Variants in EYS observed in about 807,000 individuals in gnomAD.
The protein encoded by EYS is protein eyes shut homolog.
In EYS, 250 loss-of-function variants were observed where a neutral mutation model predicts 282.1. The ratio of observed to expected loss-of-function variants is 0.89; its 90% CI spans 0.80 to 0.98. The LOEUF is 0.98. Among genes scored for constraint, EYS ranks in the 50% least tolerant of loss-of-function variants. The pLI, the probability that EYS is intolerant of heterozygous loss-of-function variation, is 0.00. For missense variants in EYS, 4,016 were observed against 3,709.0 expected (o/e 1.08, Z -2.15); for synonymous variants, 1,355 against 1,282.9 (o/e 1.06, Z -1.20).
At chr6:63,851,666 A>T (rs1772253954) in intron 36 of EYS, among the ~76,000 whole-genome samples, 1 of 152,236 alleles carries the variant, frequency 6.6e-6, no homozygotes, top group Non-Finnish European at 1.5e-5. Context: ...GGACACAGCC[A>T]AAGCAGTGTT....
At chr6:64,520,277 G>A (rs1041261717) in intron 26 of EYS, among the ~76,000 whole-genome samples, 2 of 151,776 alleles carry the variant, frequency 1.3e-5, no homozygotes, top group African/African-American at 2.4e-5. Context: ...ATGCTCCTAT[G>A]AGTCAGCTTT....
intron 35 of EYS, among the ~76,000 whole-genome samples, chr6:63,982,886 AAC>A (rs1767167228): frequency 6.6e-6 from 1 of 152,014 alleles, no homozygotes; most frequent in Admixed American, 6.6e-5. Flanking sequence ...TAGGTTGAAT[AAC>A]ACAAATATTT....
chr6:64,351,855 A>G (rs767820976), intron 29 of EYS, among the ~76,000 whole-genome samples: 4 of 151,552 alleles, frequency 2.6e-5, no homozygotes, highest in Non-Finnish European at 5.9e-5. Context: ...ATGTATGTAT[A>G]ATGCCATGCT....
chr6:64,548,826 A>G (rs565061562), intron 26 of EYS, among the ~76,000 whole-genome samples: 3 of 149,252 alleles, frequency 2.0e-5, no homozygotes, highest in Non-Finnish European at 4.5e-5. Context: ...CTTAAAGTAT[A>G]ATAAAAAAAA....
At chr6:63,843,077 T>A (rs1002175289) in intron 36 of EYS, among the ~76,000 whole-genome samples, 2 of 152,182 alleles carry the variant, frequency 1.3e-5, no homozygotes, top group African/African-American at 2.4e-5. Context: ...CTTAGGATTG[T>A]CTTGGCTATA....
At chr6:64,293,714 G>A (rs145755266) in intron 30 of EYS, among the ~76,000 whole-genome samples, 3 of 152,156 alleles carry the variant, frequency 2.0e-5, no homozygotes, top group East Asian at 1.9e-4. Context: ...GCATAGAGAT[G>A]TATTTTATTC....
chr6:64,062,651 A>G (rs1031069470), intron 33 of EYS, among the ~76,000 whole-genome samples: 1 of 147,900 alleles, frequency 6.8e-6, no homozygotes, highest in Non-Finnish European at 1.5e-5. Context: ...AGATCGCACC[A>G]TTGCACTCCA....
chr6:64,647,889 C>A (rs189465970), intron 22 of EYS, among the ~76,000 whole-genome samples: 10 of 151,160 alleles, frequency 6.6e-5, no homozygotes, highest in African/African-American at 2.4e-4. Flanking sequence ...TGCATGAGTG[C>A]CTTCATGAAT....
At chr6:64,810,649 A>G (rs2150014245) in intron 22 of EYS, among the ~76,000 whole-genome samples, 1 of 152,238 alleles carries the variant, frequency 6.6e-6, no homozygotes, top group Non-Finnish European at 1.5e-5. Flanking sequence ...TAAAATAATT[A>G]TAAGAGCAAG....
chr6:65,384,598 TTA>T, intron 7 of EYS, 98 bp from the exon 8 acceptor site: 2 of 668,724 alleles, frequency 3.0e-6, no homozygotes, highest in South Asian at 3.5e-5. Context: ...TTTGTTTAAA[TTA>T]TATGGTATTA....
Position 65,295,862 on chromosome 6 carries a change from C to T in EYS, c.2023+1G>A, listed in dbSNP as rs980430860. The T allele has an allele frequency of 6.5e-7, 1 of 1,528,800 alleles. No homozygotes were observed. The highest frequency in any genetic ancestry group is 8.8e-7 in the Non-Finnish European group (1 of 1,139,696). 94.7% of individuals were successfully genotyped at this position (1,528,800 alleles called of 1,614,324 possible). A position where few individuals can be genotyped will look rare whatever the true frequency, so the allele number is the denominator to read the frequency against. ...AATTTATCAGGAAAAAAAAAACTTG[C>T]CTTTAAATCCTGGGACACACTTGCG... On this transcript the variant is annotated splice_donor_variant, in intron 12 of 42. Transcript: ENST00000503581. LOFTEE classifies it high-confidence loss of function.
chr6:65,443,039 C>CAT (rs140590405), intron 5 of EYS, among the ~76,000 whole-genome samples: 3,170 of 107,800 alleles, frequency 0.029, 166 homozygotes, highest in Middle Eastern at 0.098. Flanking sequence ...CATATATACA[C>CAT]AGACATACGG....
intron 14 of EYS, among the ~76,000 whole-genome samples, chr6:64,950,268 C>T (rs970891936): frequency 1.3e-5 from 2 of 151,900 alleles, no homozygotes; most frequent in Non-Finnish European, 2.9e-5. Flanking sequence ...GATTTGCTAA[C>T]ATAGACTCAA....
chr6:64,142,755 A>G (rs988194223), intron 31 of EYS, among the ~76,000 whole-genome samples: 2 of 152,166 alleles, frequency 1.3e-5, no homozygotes, highest in Non-Finnish European at 2.9e-5. Context: ...TCAAGCAGGA[A>G]ATGATGAGAG....
intron 2 of EYS, among the ~76,000 whole-genome samples, chr6:65,557,739 G>C (rs1018924150): frequency 6.6e-6 from 1 of 152,152 alleles, no homozygotes; most frequent in Non-Finnish European, 1.5e-5. Flanking sequence ...AATCCAAGAA[G>C]GATGAGGTTA....
intron 35 of EYS, among the ~76,000 whole-genome samples, chr6:63,907,765 C>G (rs1408228653): frequency 6.6e-6 from 1 of 151,854 alleles, no homozygotes. Context: ...CTCTTACTCC[C>G]CTCTTACCTT....
intron 28 of EYS, among the ~76,000 whole-genome samples, chr6:64,431,924 T>C (rs77479549): frequency 0.011 from 1,669 of 152,220 alleles, 32 homozygotes; most frequent in African/African-American, 0.038. Context: ...GTGGATTTCA[T>C]TGGTACATGT....
At chr6:64,725,050 A>C (rs1771708489) in intron 22 of EYS, among the ~76,000 whole-genome samples, 1 of 152,176 alleles carries the variant, frequency 6.6e-6, no homozygotes, top group South Asian at 2.1e-4. Context: ...AGGGTTAATA[A>C]ATAAAGAAGA....
chr6:64,902,477 T>C lies in EYS; in HGVS notation c.2665A>G (p.Ile889Val), dbSNP rs1257256852. 28 of 1,535,984 alleles carry C rather than the reference T, an allele frequency of 1.8e-5. No homozygotes were observed. The highest frequency in any genetic ancestry group is 2.5e-5 in the Non-Finnish European group (28 of 1,142,740). Residue 889 changes from isoleucine to valine, a missense_variant, in exon 17 of 43, where the codon ATT (isoleucine) becomes GTT (valine). Ile to Val is a conservative substitution (Grantham distance 29, BLOSUM62 3). Transcript: ENST00000503581. ...AGGAAGAGGCAGTCTTTCACATCAA[T>C]TTCACAGTTTTTACCTTCAAATTCT... is the stretch of plus-strand genomic sequence containing the variant. ...REEFEGKNCE[I>V]DVKDCLFLSC... is the part of the protein sequence containing the mutation.
Sources: allele counts gnomAD v4.1 joint callset (sites outside exome capture counted in the v4.1 genomes callset), GRCh38; gene constraint gnomAD v4.1.1; transcripts MANE v1.5; gene names NCBI Gene and HGNC (gene_info 2026-07-23, HGNC 2026-07-21).